Variants in DCAF8L2 observed in about 807,000 individuals in gnomAD.
DCAF8L2 encodes the protein DDB1 and CUL4 associated factor 8 like 2, also known as DDB1- and CUL4-associated factor 8-like protein 2.
For missense variants in DCAF8L2, 430 were observed against 490.7 expected, an observed-to-expected ratio of 0.88 and a Z score of 1.17; for synonymous variants, 200 against 190.9, an observed-to-expected ratio of 1.05 and a Z score of -0.39.
intron 2 of DCAF8L2, among the ~76,000 whole-genome samples, chrX:27,665,974 C>T (rs546973968): frequency 3.6e-5 from 4 of 111,315 alleles, no homozygotes; most frequent in South Asian, 3.7e-4. Context: ...TTATTGTAGT[C>T]GTCTGGATCC....
intron 2 of DCAF8L2, among the ~76,000 whole-genome samples, chrX:27,651,549 G>A (rs1278412400): frequency 3.5e-5 from 3 of 86,811 alleles, no homozygotes; most frequent in East Asian, 3.5e-4. Flanking sequence ...TTGCTCTGTC[G>A]CCCAGGCTGG....
chrX:27,668,375 A>G (rs1398883713), intron 2 of DCAF8L2, among the ~76,000 whole-genome samples: 1 of 111,375 alleles, frequency 9.0e-6, no homozygotes, highest in African/African-American at 3.3e-5. Flanking sequence ...GCAAACGAAC[A>G]ATGAAAAAAG....
chrX:27,561,475 A>C, the DCAF8L2 span, among the ~76,000 whole-genome samples: 8 of 111,641 alleles, frequency 7.2e-5, no homozygotes, highest in Non-Finnish European at 1.3e-4. Context: ...GACCAATTCA[A>C]AGTCTACATT....
chrX:27,482,329 C>T, the DCAF8L2 span, among the ~76,000 whole-genome samples: 3 of 111,512 alleles, frequency 2.7e-5, no homozygotes, highest in Non-Finnish European at 5.7e-5. Flanking sequence ...AGAGGTAATT[C>T]AGTGAGTCAA....
the DCAF8L2 span, among the ~76,000 whole-genome samples, chrX:27,502,338 ATATATAT>A: frequency 1.8e-3 from 49 of 27,533 alleles, no homozygotes; most frequent in African/African-American, 7.4e-3. Flanking sequence ...AAAAAAAAAT[ATATATAT>A]ATATATATAT....
the DCAF8L2 span, among the ~76,000 whole-genome samples, chrX:27,537,015 C>A: frequency 6.3e-5 from 7 of 111,819 alleles, no homozygotes; most frequent in African/African-American, 2.3e-4. Flanking sequence ...TTTTTAATTG[C>A]TATTTGCAAA....
In DCAF8L2 at chrX:27,598,960, C is replaced by CAAA. The variant is rs113747555; in HGVS notation, c.-342+8533_-342+8535dup. Among the ~76,000 whole-genome samples the CAAA allele has an allele frequency of 6.3e-3, 517 of 82,491 alleles. 4 individuals are homozygous for CAAA. Among genetic ancestry groups the CAAA allele is most frequent in the Non-Finnish European group, 8.0e-3 (339 of 42,617 alleles). 71.6% of individuals were successfully genotyped at this position (82,491 alleles called of 115,157 possible). A position where few individuals can be genotyped will look rare whatever the true frequency, so the allele number is the denominator to read the frequency against. ...TATGGAAAACGATAGGAAAGTTTCT[C>CAAA]AAAAAAAAAAAAAAATATATATATA... On this transcript the variant is annotated intron_variant, in intron 1 of 4. Transcript: ENST00000451261.
chrX:27,530,668 G>A, the DCAF8L2 span, among the ~76,000 whole-genome samples: 3 of 111,724 alleles, frequency 2.7e-5, no homozygotes, highest in African/African-American at 9.8e-5. Flanking sequence ...GTTTTGTCCA[G>A]AACGTGGATT....
At chrX:27,676,444 C>T (rs757634627) in intron 2 of DCAF8L2, among the ~76,000 whole-genome samples, 3 of 110,737 alleles carry the variant, frequency 2.7e-5, no homozygotes, top group African/African-American at 9.8e-5. Flanking sequence ...AAATGTATGT[C>T]TACTTATACA....
intron 1 of DCAF8L2, among the ~76,000 whole-genome samples, chrX:27,627,086 A>T (rs1240157805): frequency 9.1e-6 from 1 of 110,228 alleles, no homozygotes; most frequent in Non-Finnish European, 1.9e-5. Flanking sequence ...AAAAAAAAAA[A>T]AAAAAGCTGT....
At chrX:27,543,215 C>G in the DCAF8L2 span, among the ~76,000 whole-genome samples, 1 of 112,246 alleles carries the variant, frequency 8.9e-6, no homozygotes, top group Non-Finnish European at 1.9e-5. Context: ...AGCCAGCTAT[C>G]CCAGCACCAT....
At chrX:27,610,914 T>C (rs1041427628) in intron 1 of DCAF8L2, among the ~76,000 whole-genome samples, 2 of 112,488 alleles carry the variant, frequency 1.8e-5, no homozygotes, top group Admixed American at 9.4e-5. Context: ...CTCTAGTACA[T>C]GGTGTGAGAC....
At chrX:27,644,005 C>T (rs1928844074) in intron 2 of DCAF8L2, among the ~76,000 whole-genome samples, 1 of 111,745 alleles carries the variant, frequency 8.9e-6, no homozygotes, top group Non-Finnish European at 1.9e-5. Flanking sequence ...AACATTGCTT[C>T]TGCCAGAAGC....
chrX:27,567,583 A>ATATATATATATG, the DCAF8L2 span, among the ~76,000 whole-genome samples: 7 of 93,192 alleles, frequency 7.5e-5, no homozygotes, highest in African/African-American at 2.4e-4. Context: ...ATATATATAT[A>ATATATATATATG]TATGAAAACA....
At chrX:27,600,768 T>C (rs1055322351) in intron 1 of DCAF8L2, among the ~76,000 whole-genome samples, 8 of 112,016 alleles carry the variant, frequency 7.1e-5, no homozygotes, top group African/African-American at 2.3e-4. Flanking sequence ...AATGGTGCTC[T>C]AAGAATTGCT....
the DCAF8L2 span, among the ~76,000 whole-genome samples, chrX:27,502,378 T>TATATATA: frequency 2.3e-5 from 1 of 44,155 alleles, no homozygotes; most frequent in Non-Finnish European, 4.6e-5. Flanking sequence ...ATATATATAT[T>TATATATA]GGCTGTGCAT....
rs369590953 is a variant in DCAF8L2 at position 27,717,941 on chromosome X, T to G, written c.-59+1770T>G. ...ATGAGAGCATAATTTTTTATTCCGT[T>G]GAATTGCCATAACTTAGTCATTTCT... On this transcript the variant is annotated intron_variant, in intron 4 of 4. Coordinates refer to ENST00000451261, the MANE Select transcript of DCAF8L2 (RefSeq NM_001353450.2). 8.9e-5 allele frequency among the ~76,000 whole-genome samples: 10 copies of G among 112,204 alleles called. No individual in the cohort carries two copies. In the East Asian group the frequency reaches 2.2e-3, roughly 25 times the overall value.
At chrX:27,626,319 A>G (rs763423932) in intron 1 of DCAF8L2, among the ~76,000 whole-genome samples, 52 of 112,208 alleles carry the variant, frequency 4.6e-4, no homozygotes, top group African/African-American at 1.6e-3. Context: ...TACCTCCAGA[A>G]GCCAAGAAGA....
intron 3 of DCAF8L2, among the ~76,000 whole-genome samples, chrX:27,683,238 G>A (rs1175512718): frequency 1.8e-5 from 2 of 111,315 alleles, no homozygotes; most frequent in South Asian, 3.8e-4. Flanking sequence ...ACTGTTGAGA[G>A]CTTCAAATGC....
Sources: gnomAD v4.1 joint callset for allele counts (sites outside exome capture counted in the v4.1 genomes callset) on GRCh38, gnomAD v4.1.1 for gene constraint, MANE v1.5 for transcripts, NCBI Gene and HGNC (gene_info 2026-07-23, HGNC 2026-07-21) for gene names.